The following CACNA1B variants were observed in gnomAD, a reference collection of about 807,000 sequenced individuals.
CACNA1B encodes the protein calcium voltage-gated channel subunit alpha1 B, also known as voltage-dependent N-type calcium channel subunit alpha-1B.
In CACNA1B, 70 loss-of-function variants were observed where a neutral mutation model predicts 247.2. The ratio of observed to expected loss-of-function variants is 0.28; its 90% CI spans 0.23 to 0.35. CACNA1B has a LOEUF of 0.35. Ranked by LOEUF, CACNA1B falls within the 10% of genes least tolerant of loss-of-function variation. The pLI is 1.00. For synonymous variants in CACNA1B, 1,231 were observed against 1,294.4 expected, an observed-to-expected ratio of 0.95 and a Z score of 1.05; for missense variants, 2,367 against 3,197.4, an observed-to-expected ratio of 0.74 and a Z score of 6.26.
At position 138,074,085 on chromosome 9, in the gene CACNA1B, G is replaced by A; in HGVS notation, c.4857+19G>A. 1 of 1,600,910 alleles carries A rather than the reference G, an allele frequency of 6.2e-7. No homozygotes were observed. Among genetic ancestry groups the A allele is most frequent in the Non-Finnish European group, 8.5e-7 (1 of 1,169,948 alleles). Reference sequence around the variant, plus strand: ...CATGCAGGTGGGTGCTCCCCTTTGGGACAGAGCGTGGTTCCGGCCTCCCGT... The same window carrying A: ...CATGCAGGTGGGTGCTCCCCTTTGGAACAGAGCGTGGTTCCGGCCTCCCGT... On this transcript the variant is annotated intron_variant, in intron 34 of 46. Transcript: ENST00000371372.
At chr9:138,048,972 C>T (rs1959208020) in intron 23 of CACNA1B, among the ~76,000 whole-genome samples, 1 of 152,226 alleles carries the variant, frequency 6.6e-6, no homozygotes, top group South Asian at 2.1e-4. Flanking sequence ...CCCGCCTCAG[C>T]CTCCCAAAGT....
chr9:138,070,900 C>T (rs998221721), intron 32 of CACNA1B, among the ~76,000 whole-genome samples: 5 of 152,276 alleles, frequency 3.3e-5, no homozygotes, highest in Non-Finnish European at 7.3e-5. Flanking sequence ...TTTTCTGCAC[C>T]TGCTGGGCCT....
chr9:137,965,362 T>C (rs1030654087), intron 10 of CACNA1B, among the ~76,000 whole-genome samples: 2 of 152,240 alleles, frequency 1.3e-5, no homozygotes, highest in African/African-American at 4.8e-5. Flanking sequence ...TTAAAAGATA[T>C]TGGATTATAG....
chr9:138,061,896 T>C (rs557889552), intron 31 of CACNA1B, among the ~76,000 whole-genome samples: 1 of 152,310 alleles, frequency 6.6e-6, no homozygotes, highest in East Asian at 1.9e-4. Flanking sequence ...TCGTCAGTGG[T>C]CATGACTGGA....
At chr9:137,949,257 GTGC>G (rs1957847185) in intron 6 of CACNA1B, among the ~76,000 whole-genome samples, 3 of 2,110 alleles carry the variant, frequency 1.4e-3, no homozygotes, top group Non-Finnish European at 2.2e-3. Context: ...GTGGTGTGTG[GTGC>G]GTGTGTGTGT....
intron 20 of CACNA1B, among the ~76,000 whole-genome samples, chr9:138,038,992 C>T (rs934559589): frequency 2.0e-5 from 3 of 151,906 alleles, no homozygotes; most frequent in Non-Finnish European, 4.4e-5. Context: ...CGAGACCAGC[C>T]TGGCCAACAT....
chr9:138,022,845 G>C (rs1028243816), intron 18 of CACNA1B, among the ~76,000 whole-genome samples, 166 bp from the exon 19 acceptor site: 11 of 151,930 alleles, frequency 7.2e-5, no homozygotes, highest in African/African-American at 2.4e-4. Context: ...GTTCCCTTGG[G>C]CGTTCCCCAC....
At chr9:138,000,801 A>T (rs1280588220) in intron 15 of CACNA1B, among the ~76,000 whole-genome samples, 1 of 152,216 alleles carries the variant, frequency 6.6e-6, no homozygotes, top group East Asian at 1.9e-4. Context: ...CTCCCCAGTG[A>T]AAGTAGATTC....
chr9:137,913,146 C>A lies in CACNA1B; in HGVS notation c.531-34C>A. On this transcript the variant is annotated intron_variant, in intron 3 of 46. Transcript: ENST00000371372. This position sits in a 1 kb window ranked among gnomAD's most constrained non-coding sequence, Gnocchi z 5.2. ...TCCTCTTCCAGGCTCAATGTGGAAACCTTTACTTCCCTTCTTCTCCTTGTT... is the reference window on the plus strand; with the variant it reads ...TCCTCTTCCAGGCTCAATGTGGAAAACTTTACTTCCCTTCTTCTCCTTGTT... 1.9e-6 allele frequency: 3 copies of A among 1,578,346 alleles called. No homozygotes were observed. Among genetic ancestry groups the A allele is most frequent in the Non-Finnish European group, 2.6e-6 (3 of 1,148,280 alleles).
chr9:138,048,148 T>C (rs1276299310), intron 23 of CACNA1B, among the ~76,000 whole-genome samples: 2 of 152,214 alleles, frequency 1.3e-5, no homozygotes, highest in Admixed American at 1.3e-4. Flanking sequence ...CTCTGCTATT[T>C]CACTCTTGCA....
chr9:138,058,235 C>T lies in CACNA1B; in HGVS notation c.4293C>T (p.Ser1431=). The change falls in exon 28 of 47, where the codon AGC becomes AGT. Residue 1431 remains serine (S), a synonymous_variant. Transcript: ENST00000371372. The surrounding 1 kb of genome is among the most constrained non-coding windows in gnomAD (Gnocchi z 4.7). ...GGGACAAGGTGATGTCTGAATGCAG[C>T]CTGGAGAAGAACGAGGTAGGTGGAC... The part of the protein sequence containing the change: ...EQGDKVMSEC[S]LEKNERACID... 1 of 1,613,472 alleles carries T rather than the reference C, an allele frequency of 6.2e-7. No individual in the cohort carries two copies. The highest frequency in any genetic ancestry group is 8.5e-7 in the Non-Finnish European group (1 of 1,179,390).
chr9:138,025,245 C>G, intron 20 of CACNA1B, 73 bp downstream of exon 20: 1 of 987,118 alleles, frequency 1.0e-6, no homozygotes, highest in East Asian at 2.6e-5. Context: ...CCCTCCTGCT[C>G]CACAGCAGCC....
Position 138,104,258 on chromosome 9 carries a change from G to A in CACNA1B, c.5320-1441G>A, listed in dbSNP as rs550393431. Among the ~76,000 whole-genome samples, 5 of 152,352 alleles carry A rather than the reference G, an allele frequency of 3.3e-5. No homozygotes were observed. In the East Asian group the frequency reaches 7.7e-4, roughly 24 times the overall value. On this transcript the variant is annotated intron_variant, in intron 38 of 46. Coordinates refer to ENST00000371372, the MANE Select transcript of CACNA1B (RefSeq NM_000718.4). ...TCTTGGCTTCTTCCTGAGATTCTTG[G>A]CCCTTTGGGGCCTGGAGTGGGCTGA...
At chr9:137,908,653 G>C (rs966839421) in intron 3 of CACNA1B, among the ~76,000 whole-genome samples, 9 of 151,920 alleles carry the variant, frequency 5.9e-5, no homozygotes, top group African/African-American at 1.4e-4. Context: ...TTTTTTGAGA[G>C]GGAGTCTTGC....
intron 6 of CACNA1B, among the ~76,000 whole-genome samples, chr9:137,935,883 T>C (rs535699739): frequency 1.4e-4 from 21 of 152,160 alleles, no homozygotes; most frequent in Middle Eastern, 3.4e-3. Flanking sequence ...TGGCACGATC[T>C]TGGCTCACTG....
Position 138,044,191 on chromosome 9 carries a change from C to T in CACNA1B, c.3413+291C>T, listed in dbSNP as rs139417568. Among the ~76,000 whole-genome samples, 57 of 152,344 alleles carry T rather than the reference C, an allele frequency of 3.7e-4. No individual in the cohort carries two copies. The East Asian group carries it at 9.7e-3, about 26-fold the overall frequency. On this transcript the variant is annotated intron_variant, in intron 21 of 46. Transcript: ENST00000371372. ...CACAGGGACGCCGTCTGCCCTGTGT[C>T]GCAAACACACTTCCATCCATCTGCC...
intron 44 of CACNA1B, 50 bp downstream of exon 44, chr9:138,118,818 G>A (rs976069923): frequency 8.6e-6 from 7 of 811,084 alleles, no homozygotes; most frequent in Non-Finnish European, 1.2e-5. Context: ...GTGGGGGGTG[G>A]GGAAGTGGGG....
intron 35 of CACNA1B, 54 bp from the exon 36 acceptor site, chr9:138,078,060 C>T (rs531096317): frequency 1.3e-6 from 2 of 1,567,460 alleles, no homozygotes; most frequent in East Asian, 2.3e-5. Context: ...CCCCACAGGG[C>T]TCGGGCTCCC....
At position 137,986,770 on chromosome 9, in the gene CACNA1B, TG is replaced by T. The variant is rs1190325494; in HGVS notation, c.1902-11del. The T allele has an allele frequency of 1.2e-6, 2 of 1,610,970 alleles. No homozygotes were observed. The highest frequency in any genetic ancestry group is 1.7e-6 in the Non-Finnish European group (2 of 1,177,282). On this transcript the variant is annotated splice_polypyrimidine_tract_variant and intron_variant, in intron 14 of 46. Coordinates refer to ENST00000371372, the MANE Select transcript of CACNA1B (RefSeq NM_000718.4). The surrounding 1 kb of genome is among the most constrained non-coding windows in gnomAD (Gnocchi z 6.0). Reference sequence around the variant, plus strand: ...GGGACTGCCACTTCCCAAGCCTTCCTGTTTTCCTCAGGTTCAACTTCCAGGA... The same window carrying T: ...GGGACTGCCACTTCCCAAGCCTTCCTTTTTCCTCAGGTTCAACTTCCAGGA...
Sources: allele counts gnomAD v4.1 joint callset (sites outside exome capture counted in the v4.1 genomes callset), GRCh38; gene constraint gnomAD v4.1.1; non-coding constraint Gnocchi (gnomAD v3.1); transcripts MANE v1.5; gene names NCBI Gene and HGNC (gene_info 2026-07-23, HGNC 2026-07-21).